Variants in TBCE observed in about 807,000 individuals in gnomAD.
TBCE encodes tubulin-specific chaperone E.
TBCE carries 53 observed loss-of-function variants against 77.0 expected under a neutral mutation model. That is an observed-to-expected ratio of 0.69 (90% confidence interval 0.55 to 0.87). The LOEUF is 0.87. TBCE is among the 40% of genes least tolerant of loss of function. The pLI is 0.00. For synonymous variants in TBCE, 235 were observed against 241.3 expected (o/e 0.97, Z 0.24); for missense variants, 624 against 622.4 (o/e 1.00, Z -0.03).
chr1:235,369,154 A>T (rs1442170720), intron 1 of TBCE, among the ~76,000 whole-genome samples: 2 of 152,056 alleles, frequency 1.3e-5, no homozygotes, highest in Non-Finnish European at 2.9e-5. Context: ...TTTAAAAAAA[A>T]ATCAGATTTA....
At position 235,436,893 on chromosome 1, in the gene TBCE, C is replaced by T. The variant is rs6658187; in HGVS notation, c.963+285C>T. Among the ~76,000 whole-genome samples, 75,329 of 150,842 alleles carry T rather than the reference C, an allele frequency of 0.5. 19,202 individuals are homozygous for T. The highest frequency in any genetic ancestry group is 0.65 in the East Asian group (3,337 of 5,110). On this transcript the variant is annotated intron_variant, in intron 11 of 16. Coordinates refer to ENST00000642610, the MANE Select transcript of TBCE (RefSeq NM_003193.5). ...CAGCACTTTGGGAGGTCGAGGCGGG[C>T]GGATCACCTGAGGTCGGGAGTTCGA...
At chr1:235,397,142 T>C (rs1338240444) in intron 2 of TBCE, among the ~76,000 whole-genome samples, 1 of 151,388 alleles carries the variant, frequency 6.6e-6, no homozygotes, top group Non-Finnish European at 1.5e-5. Flanking sequence ...GCCCAGCTAA[T>C]TTTTGTATTT....
intron 1 of TBCE, among the ~76,000 whole-genome samples, chr1:235,371,655 C>T (rs938627310): frequency 4.0e-5 from 6 of 151,824 alleles, no homozygotes; most frequent in East Asian, 1.9e-4. Flanking sequence ...GGATTACAGG[C>T]GTGAGCTACA....
In TBCE at chr1:235,438,942, T is replaced by C; in HGVS notation, c.1270+20T>C. The C allele has an allele frequency of 6.2e-7, 1 of 1,614,120 alleles. No individual in the cohort carries two copies. Among genetic ancestry groups the C allele is most frequent in the Non-Finnish European group, 8.5e-7 (1 of 1,180,024 alleles). Reference sequence around the variant, plus strand: ...GCCTGAGTACGTGCGTATACACTGGTGGCCTTCAGGTGGTGGATTTCCAGC... The same window carrying C: ...GCCTGAGTACGTGCGTATACACTGGCGGCCTTCAGGTGGTGGATTTCCAGC... On this transcript the variant is annotated intron_variant, in intron 13 of 16. Transcript: ENST00000642610.
chr1:235,437,339 G>C lies in TBCE; in HGVS notation c.981G>C (p.Glu327Asp), dbSNP rs886046151. Residue 327 changes from glutamate (E) to aspartate (D), a missense_variant, in exon 12 of 17, where the codon GAG (glutamate) becomes GAC (aspartate). Physicochemically the swap from Glu to Asp is conservative, Grantham distance 45. Transcript: ENST00000642610. ...TGTTTCAGTGGTCGTTTTTCAATGA[G>C]CTAGAGAAGTTACCAAGTCTACGGG... ...NQISQWSFFN[E>D]LEKLPSLRAL... 2 of 1,613,962 alleles carry C rather than the reference G, an allele frequency of 1.2e-6. No homozygotes were observed. The highest frequency in any genetic ancestry group is 1.7e-6 in the Non-Finnish European group (2 of 1,179,974).
chr1:235,442,983 A>T (rs1681998298), intron 15 of TBCE, 72 bp downstream of exon 15: 1 of 1,466,282 alleles, frequency 6.8e-7, no homozygotes, highest in South Asian at 1.1e-5. Flanking sequence ...CTAAAATTAA[A>T]ACCTTTAACT....
chr1:235,404,960 CTTT>C (rs71174427), intron 3 of TBCE, among the ~76,000 whole-genome samples: 4 of 125,986 alleles, frequency 3.2e-5, no homozygotes, highest in Non-Finnish European at 3.4e-5. Flanking sequence ...ATGCCCGGTA[CTTT>C]TTTTTTTTTT....
intron 12 of TBCE, among the ~76,000 whole-genome samples, chr1:235,438,552 TA>T (rs10667524): frequency 6.8e-5 from 10 of 146,090 alleles, no homozygotes; most frequent in Non-Finnish European, 7.5e-5. Context: ...CATCTCAAAT[TA>T]AAAAAAAAAA....
intron 3 of TBCE, among the ~76,000 whole-genome samples, chr1:235,406,676 C>T (rs7513666): frequency 0.5 from 75,084 of 151,534 alleles, 18,945 homozygotes; most frequent in East Asian, 0.65. Context: ...GGACTACAGG[C>T]GCCTGCCACT....
At chr1:235,428,414 C>T (rs944321730) in intron 6 of TBCE, among the ~76,000 whole-genome samples, 1 of 152,072 alleles carries the variant, frequency 6.6e-6, no homozygotes, top group African/African-American at 2.4e-5. Flanking sequence ...AGAGAGAGAG[C>T]TGTTTTCCAT....
chr1:235,437,996 C>T (rs948719046), intron 12 of TBCE, among the ~76,000 whole-genome samples: 1 of 152,138 alleles, frequency 6.6e-6, no homozygotes, highest in Admixed American at 6.5e-5. Flanking sequence ...ATTTGAGGCA[C>T]ACCAGGCACC....
In TBCE at chr1:235,414,457, T is replaced by G; in HGVS notation, c.210T>G (p.Ile70Met). Residue 70 changes from isoleucine to methionine, a missense_variant, in exon 4 of 17, where the codon ATT becomes ATG. By Grantham distance (10) the Ile-to-Met change is conservative. Coordinates refer to ENST00000642610, the MANE Select transcript of TBCE (RefSeq NM_003193.5). Reference sequence around the variant, plus strand: ...GGCACCCGACAGGAGGATCCTTTATTCGTCCGAACAAGGTAAATTTTGGAA... The same window carrying G: ...GGCACCCGACAGGAGGATCCTTTATGCGTCCGAACAAGGTAAATTTTGGAA... ...KCRHPTGGSF[I>M]RPNKVNFGTD... 2 of 1,613,924 alleles carry G rather than the reference T, an allele frequency of 1.2e-6. No homozygotes were observed. Among genetic ancestry groups the G allele is most frequent in the Non-Finnish European group, 1.7e-6 (2 of 1,180,014 alleles).
intron 1 of TBCE, among the ~76,000 whole-genome samples, chr1:235,376,707 G>A (rs1434384500): frequency 6.6e-6 from 1 of 152,086 alleles, no homozygotes; most frequent in Non-Finnish European, 1.5e-5. Flanking sequence ...CCGGCACAGT[G>A]GCTCACACCT....
chr1:235,433,423 C>T (rs1019371517), intron 7 of TBCE: 5 of 160,334 alleles, frequency 3.1e-5, no homozygotes, highest in Non-Finnish European at 6.8e-5. Context: ...GTTTTCACCA[C>T]GTTGGCCAGG....
intron 3 of TBCE, among the ~76,000 whole-genome samples, chr1:235,408,098 C>G (rs544850020): frequency 3.7e-4 from 56 of 152,244 alleles, no homozygotes; most frequent in African/African-American, 1.3e-3. Context: ...CGTGCTGTTC[C>G]AGCCTGTGTC....
intron 1 of TBCE, among the ~76,000 whole-genome samples, chr1:235,379,802 G>A (rs148449841): frequency 1.1e-3 from 161 of 151,818 alleles, no homozygotes; most frequent in Middle Eastern, 3.4e-3. Flanking sequence ...TACAAAAATT[G>A]GCTGGGTGTG....
intron 3 of TBCE, among the ~76,000 whole-genome samples, chr1:235,410,460 G>C (rs71640700): frequency 0.014 from 2,067 of 152,206 alleles, 25 homozygotes; most frequent in South Asian, 0.041. Flanking sequence ...GAGTGTAGCA[G>C]TGAGGATGAC....
intron 1 of TBCE, among the ~76,000 whole-genome samples, chr1:235,372,600 A>T (rs1340591040): frequency 6.6e-6 from 1 of 152,008 alleles, no homozygotes; most frequent in African/African-American, 2.4e-5. Context: ...TGGGCAGCAT[A>T]GAGAGATCCC....
intron 2 of TBCE, among the ~76,000 whole-genome samples, chr1:235,400,636 G>A (rs969107953): frequency 2.6e-5 from 4 of 151,384 alleles, no homozygotes; most frequent in African/African-American, 7.3e-5. Flanking sequence ...TCCTGACCTC[G>A]TGATCCGCCT....
Sources: gnomAD v4.1 joint callset for allele counts (sites outside exome capture counted in the v4.1 genomes callset) on GRCh38, gnomAD v4.1.1 for gene constraint, MANE v1.5 for transcripts, NCBI Gene and HGNC (gene_info 2026-07-23, HGNC 2026-07-21) for gene names.